Variants in IPO11 observed in about 807,000 individuals in gnomAD.
IPO11 encodes importin-11.
A neutral mutation model predicts 143.2 loss-of-function variants in IPO11; 66 were observed. The observed-to-expected ratio is 0.46, with a 90% CI of 0.38 to 0.57. The LOEUF is 0.57. Ranked by LOEUF, IPO11 falls within the 20% of genes least tolerant of loss-of-function variation. The pLI is 0.00. For synonymous variants in IPO11, 385 were observed against 377.8 expected, an observed-to-expected ratio of 1.02 and a Z score of -0.22; for missense variants, 1,026 against 1,141.0, an observed-to-expected ratio of 0.90 and a Z score of 1.45.
At chr5:62,509,297 A>G (rs1469789716) in intron 19 of IPO11, among the ~76,000 whole-genome samples, 1 of 152,194 alleles carries the variant, frequency 6.6e-6, no homozygotes, top group East Asian at 1.9e-4. Flanking sequence ...AATTTTATCT[A>G]AAAGATGAGG....
intron 5 of IPO11, among the ~76,000 whole-genome samples, chr5:62,456,681 T>C (rs1286061572): frequency 6.6e-6 from 1 of 152,228 alleles, no homozygotes; most frequent in African/African-American, 2.4e-5. Context: ...TCAACAGTTA[T>C]TGAATGCTGA....
intron 20 of IPO11, among the ~76,000 whole-genome samples, chr5:62,518,434 ACT>A (rs1248527548): frequency 6.7e-6 from 1 of 149,350 alleles, no homozygotes; most frequent in Non-Finnish European, 1.5e-5. Context: ...ACATAGCGAG[ACT>A]CTGTCTCAAA....
At chr5:62,542,933 G>A (rs936998664) in intron 24 of IPO11, among the ~76,000 whole-genome samples, 6 of 152,072 alleles carry the variant, frequency 3.9e-5, no homozygotes, top group African/African-American at 1.2e-4. Context: ...AACTTATTGT[G>A]TAATAATAAT....
intron 27 of IPO11, among the ~76,000 whole-genome samples, chr5:62,567,710 G>A (rs1744003683): frequency 6.6e-6 from 1 of 151,074 alleles, no homozygotes; most frequent in African/African-American, 2.4e-5. Context: ...TTACAGGGAT[G>A]CACCACCACA....
At chr5:62,524,115 T>A (rs969410732) in intron 20 of IPO11, among the ~76,000 whole-genome samples, 1 of 152,166 alleles carries the variant, frequency 6.6e-6, no homozygotes, top group Non-Finnish European at 1.5e-5. Context: ...CAGAGTATTG[T>A]AGGCAATGTC....
At chr5:62,442,522 G>T (rs1055771317) in intron 2 of IPO11, among the ~76,000 whole-genome samples, 1 of 151,998 alleles carries the variant, frequency 6.6e-6, no homozygotes, top group African/African-American at 2.4e-5. Context: ...CATAAATATC[G>T]ATATGATATA....
intron 28 of IPO11, 59 bp from the exon 29 acceptor site, chr5:62,601,705 T>C (rs971736141): frequency 2.4e-6 from 2 of 842,266 alleles, no homozygotes; most frequent in Non-Finnish European, 3.5e-6. Context: ...TAAGGACTTA[T>C]TTTTAAGTGT....
At chr5:62,518,294 C>A (rs1325796772) in intron 20 of IPO11, among the ~76,000 whole-genome samples, 4 of 151,930 alleles carry the variant, frequency 2.6e-5, no homozygotes, top group African/African-American at 9.7e-5. Flanking sequence ...AAATACAAAA[C>A]TTAGCCAGGT....
chr5:62,623,716 G>T (rs1159286931), intron 29 of IPO11, among the ~76,000 whole-genome samples: 1 of 147,674 alleles, frequency 6.8e-6, no homozygotes, highest in Non-Finnish European at 1.5e-5. Flanking sequence ...GCACAATCTC[G>T]GCTCACTGCA....
intron 24 of IPO11, among the ~76,000 whole-genome samples, chr5:62,542,284 ATTAT>A (rs1418450488): frequency 6.6e-6 from 1 of 152,100 alleles, no homozygotes; most frequent in Non-Finnish European, 1.5e-5. Flanking sequence ...ACTAGATTTT[ATTAT>A]TTAATAAATG....
intron 27 of IPO11, chr5:62,580,935 CAG>C (rs1744532034): frequency 6.4e-6 from 10 of 1,551,170 alleles, no homozygotes; most frequent in Non-Finnish European, 7.8e-6. Flanking sequence ...TGGAAAAAAA[CAG>C]TGCTCTACCG....
chr5:62,435,853 AC>A (rs1744209812), intron 1 of IPO11, among the ~76,000 whole-genome samples: 1 of 151,456 alleles, frequency 6.6e-6, no homozygotes, highest in Non-Finnish European at 1.5e-5. Flanking sequence ...ACGTGGTGAA[AC>A]CCCGTCTCTA....
chr5:62,554,551 A>G (rs1743504898), intron 26 of IPO11, among the ~76,000 whole-genome samples: 1 of 151,932 alleles, frequency 6.6e-6, no homozygotes, highest in Non-Finnish European at 1.5e-5. Context: ...CCCCATAAAT[A>G]TTCATGCTAT....
intron 24 of IPO11, among the ~76,000 whole-genome samples, chr5:62,542,062 CTTTTTATTTTTTTTATT>C (rs1330159980): frequency 1.3e-5 from 2 of 151,666 alleles, no homozygotes; most frequent in African/African-American, 4.8e-5. Context: ...TTTTTTATTT[CTTTTTATTTTTTTTATT>C]TTTTTATTTT....
intron 15 of IPO11, among the ~76,000 whole-genome samples, chr5:62,491,475 C>T (rs1472250505): frequency 6.6e-6 from 1 of 152,090 alleles, no homozygotes; most frequent in Non-Finnish European, 1.5e-5. Flanking sequence ...TAGTGTAAGA[C>T]CTTCACTGTC....
intron 1 of IPO11, among the ~76,000 whole-genome samples, chr5:62,418,678 G>A (rs1328159828): frequency 5.9e-5 from 9 of 152,208 alleles, no homozygotes; most frequent in African/African-American, 2.2e-4. Context: ...CTGTCAAAGA[G>A]CAAGACATGC....
chr5:62,621,435 C>G (rs969221795), intron 29 of IPO11, among the ~76,000 whole-genome samples: 1 of 152,172 alleles, frequency 6.6e-6, no homozygotes, highest in African/African-American at 2.4e-5. Context: ...AGAGGCCAGG[C>G]TCCTCCCCCT....
At chr5:62,584,612 CAAAAAAA>C (rs56062359) in intron 27 of IPO11, among the ~76,000 whole-genome samples, 5 of 58,634 alleles carry the variant, frequency 8.5e-5, no homozygotes, top group Non-Finnish European at 1.5e-4. Flanking sequence ...AACTGTGCCT[CAAAAAAA>C]AAAAAAAAAA....
intron 1 of IPO11, among the ~76,000 whole-genome samples, chr5:62,425,660 A>G (rs1743708874): frequency 6.6e-6 from 1 of 152,240 alleles, no homozygotes; most frequent in South Asian, 2.1e-4. Flanking sequence ...TAGAAACAAT[A>G]GTACATTATC....
Sources: allele counts gnomAD v4.1 joint callset (sites outside exome capture counted in the v4.1 genomes callset), GRCh38; gene constraint gnomAD v4.1.1; transcripts MANE v1.5; gene names NCBI Gene and HGNC (gene_info 2026-07-23, HGNC 2026-07-21).